DAGLB: variants seen among roughly 807,000 people sequenced by gnomAD.
DAGLB encodes diacylglycerol lipase beta, also known as diacylglycerol lipase-beta.
DAGLB carries 66 observed loss-of-function variants against 72.1 expected under a neutral mutation model. The observed-to-expected ratio is 0.92, with a 90% confidence interval of 0.75 to 1.12. The LOEUF (loss-of-function observed/expected upper bound fraction) is 1.12, where lower values mean the gene tolerates loss of function less well. Ranked by LOEUF, DAGLB falls within the 50% of genes most tolerant of loss-of-function variation. The pLI is 0.00. For synonymous variants in DAGLB, 414 were observed against 359.5 expected (o/e 1.15, Z -1.71); for missense variants, 1,065 against 884.9 (o/e 1.20, Z -2.58).
chr7:6,420,453 A>C (rs577150625), intron 9 of DAGLB, among the ~76,000 whole-genome samples: 1 of 148,194 alleles, frequency 6.7e-6, no homozygotes, highest in Admixed American at 6.8e-5. Context: ...AAAAAAAAAG[A>C]AAAGAAACAG....
At chr7:6,424,267 T>A (rs1357774136) in intron 8 of DAGLB, among the ~76,000 whole-genome samples, 1 of 152,160 alleles carries the variant, frequency 6.6e-6, no homozygotes, top group East Asian at 1.9e-4. Context: ...GGGCTGGGGA[T>A]GGATGTCGGC....
intron 8 of DAGLB, 21 bp downstream of exon 8, chr7:6,424,731 A>C: frequency 6.2e-7 from 1 of 1,612,744 alleles, no homozygotes; most frequent in Non-Finnish European, 8.5e-7. Context: ...CCAGGGCTGG[A>C]AAGTCAGGTT....
At chr7:6,426,533 G>C (rs959562160) in intron 6 of DAGLB, among the ~76,000 whole-genome samples, 1 of 152,220 alleles carries the variant, frequency 6.6e-6, no homozygotes, top group Non-Finnish European at 1.5e-5. Context: ...GCCTCCCAAA[G>C]TGCTGGGATT....
At position 6,409,686 on chromosome 7, in the gene DAGLB, A is replaced by T; in HGVS notation, c.*151T>A. ...GGCCACAATGACTTCCCATAAACTT[A>T]AGTCATTGAGACCATGGAATTCTGT... On this transcript the variant is annotated 3_prime_UTR_variant, in exon 15 of 15. Coordinates refer to ENST00000297056, the MANE Select transcript of DAGLB (RefSeq NM_139179.4). 1 of 915,898 alleles carries T rather than the reference A, an allele frequency of 1.1e-6. No individual in the cohort carries two copies. Among genetic ancestry groups the T allele is most frequent in the Non-Finnish European group, 1.6e-6 (1 of 619,484 alleles). The allele number at this position is 915,898 out of a possible 1,614,324, so 56.7% of individuals were successfully genotyped here. A position where few individuals can be genotyped will look rare whatever the true frequency, so the allele number is the denominator to read the frequency against.
chr7:6,421,152 A>C (rs1293601587), intron 9 of DAGLB, among the ~76,000 whole-genome samples: 2 of 152,234 alleles, frequency 1.3e-5, no homozygotes, highest in African/African-American at 2.4e-5. Context: ...ACACACACAG[A>C]GAGAAGGAAA....
chr7:6,416,513 A>C, intron 11 of DAGLB, 114 bp downstream of exon 11: 1 of 1,475,060 alleles, frequency 6.8e-7, no homozygotes, highest in Non-Finnish European at 9.0e-7. Flanking sequence ...ACTGCACTCC[A>C]GCCTGGGCGA....
At chr7:6,432,725 A>C in intron 5 of DAGLB, 112 bp downstream of exon 5, 2 of 1,311,276 alleles carry the variant, frequency 1.5e-6, no homozygotes, top group Admixed American at 3.0e-5. Context: ...AGGGAGGGGA[A>C]AGGGGAATGA....
intron 11 of DAGLB, chr7:6,416,309 C>T (rs1261215088): frequency 3.8e-5 from 8 of 209,848 alleles, no homozygotes; most frequent in East Asian, 1.2e-4. Context: ...TTTGGGAGGC[C>T]GAGGCGGGCA....
At chr7:6,438,233 A>T (rs968114366) in intron 2 of DAGLB, among the ~76,000 whole-genome samples, 1 of 152,160 alleles carries the variant, frequency 6.6e-6, no homozygotes, top group Non-Finnish European at 1.5e-5. Flanking sequence ...GGATAGCATT[A>T]GGAGATATAC....
chr7:6,427,767 G>A (rs1284041216), intron 6 of DAGLB, among the ~76,000 whole-genome samples: 1 of 151,990 alleles, frequency 6.6e-6, no homozygotes, highest in African/African-American at 2.4e-5. Context: ...CTCTAGCCTG[G>A]GCAACAGTCC....
chr7:6,444,802 A>G (rs1008960583), intron 2 of DAGLB, among the ~76,000 whole-genome samples: 1 of 152,136 alleles, frequency 6.6e-6, no homozygotes, highest in African/African-American at 2.4e-5. Context: ...GCTATTCGGG[A>G]GGCTGAGGCA....
intron 6 of DAGLB, among the ~76,000 whole-genome samples, chr7:6,426,756 C>T (rs751696831): frequency 1.3e-5 from 2 of 152,150 alleles, no homozygotes; most frequent in East Asian, 1.9e-4. Context: ...CAGCCAACTC[C>T]GTAGAAAATA....
Position 6,421,273 on chromosome 7 carries a change from G to A in DAGLB, c.1218+454C>T, listed in dbSNP as rs192908016. On this transcript the variant is annotated intron_variant, in intron 9 of 14. Transcript: ENST00000297056. ...CAGGCTTCTCTCTCTTAGAACAAAC[G>A]AAATCCCACAGCCTCCCAGGGCTGC... Among the ~76,000 whole-genome samples the A allele has an allele frequency of 1.2e-3, 186 of 151,832 alleles. 4 individuals are homozygous for A. In the East Asian group the frequency reaches 0.014, roughly 11 times the overall value.
chr7:6,441,794 T>C (rs1419718833), intron 2 of DAGLB, among the ~76,000 whole-genome samples: 2 of 152,190 alleles, frequency 1.3e-5, no homozygotes, highest in Non-Finnish European at 2.9e-5. Context: ...TTTTATAAAA[T>C]ACTGTTTTCA....
intron 6 of DAGLB, among the ~76,000 whole-genome samples, chr7:6,430,263 A>G (rs1784442264): frequency 9.3e-6 from 1 of 107,352 alleles, no homozygotes; most frequent in African/African-American, 3.4e-5. Context: ...ATATATATAT[A>G]TATATATATA....
intron 4 of DAGLB, among the ~76,000 whole-genome samples, chr7:6,433,191 G>A (rs185015664): frequency 2.0e-4 from 31 of 152,258 alleles, no homozygotes; most frequent in Admixed American, 1.9e-3. Flanking sequence ...AATGCTATTC[G>A]TCTGTCTTAA....
In DAGLB at chr7:6,419,386, C is replaced by T. The variant is rs915921448; in HGVS notation, c.1218+2341G>A. Among the ~76,000 whole-genome samples, 146 of 152,270 alleles carry T rather than the reference C, an allele frequency of 9.6e-4. 1 individual carries two copies. Among genetic ancestry groups the T allele is most frequent in the African/African-American group, 3.3e-3 (137 of 41,558 alleles). ...AACTCCAGGCCACACTCACTGGGCA[C>T]CTACCCTGTGGCTGGTGCTGGGCAG... On this transcript the variant is annotated intron_variant, in intron 9 of 14. Coordinates refer to ENST00000297056, the MANE Select transcript of DAGLB (RefSeq NM_139179.4).
rs1583275719 is a variant in DAGLB, at chr7:6,409,229, A to C, written c.*608T>G. 2 of 154,614 alleles carry C rather than the reference A, an allele frequency of 1.3e-5. No homozygotes were observed. Among genetic ancestry groups the C allele is most frequent in the East Asian group, 3.8e-4 (2 of 5,198 alleles). 9.6% of individuals were successfully genotyped at this position (154,614 alleles called of 1,614,324 possible). A position where few individuals can be genotyped will look rare whatever the true frequency, so the allele number is the denominator to read the frequency against. On this transcript the variant is annotated 3_prime_UTR_variant, in exon 15 of 15. Coordinates refer to ENST00000297056, the MANE Select transcript of DAGLB (RefSeq NM_139179.4). The stretch of plus-strand genomic sequence containing the variant: ...TCAATCAGCAACTCCTGATGTGGAC[A>C]AACAACTGGGCAGTGGGAATAGGCA...
intron 4 of DAGLB, among the ~76,000 whole-genome samples, chr7:6,433,250 T>C (rs2272154): frequency 0.08 from 12,129 of 152,250 alleles, 1,127 homozygotes; most frequent in East Asian, 0.5. Flanking sequence ...TCAAATATTT[T>C]GTAAAGTGGA....
Sources: allele counts gnomAD v4.1 joint callset (sites outside exome capture counted in the v4.1 genomes callset), GRCh38; gene constraint gnomAD v4.1.1; transcripts MANE v1.5; gene names NCBI Gene and HGNC (gene_info 2026-07-23, HGNC 2026-07-21).